PTPRM: variants seen among roughly 807,000 people sequenced by gnomAD.
The protein encoded by PTPRM is receptor-type tyrosine-protein phosphatase mu.
A neutral mutation model predicts 186.7 loss-of-function variants in PTPRM; 47 were observed. The ratio of observed to expected loss-of-function variants is 0.25; its 90% CI spans 0.20 to 0.32. The LOEUF is 0.32. PTPRM is among the 10% of genes least tolerant of loss of function. The pLI is 1.00. For synonymous variants in PTPRM, 668 were observed against 674.9 expected (o/e 0.99, Z 0.16); for missense variants, 1,494 against 1,865.0 (o/e 0.80, Z 3.66).
chr18:7,599,871 T>C (rs142884081), intron 1 of PTPRM, among the ~76,000 whole-genome samples: 1 of 152,278 alleles, frequency 6.6e-6, no homozygotes, highest in Non-Finnish European at 1.5e-5. Context: ...CCTTCACCTT[T>C]CACCCTAGTT....
intron 13 of PTPRM, among the ~76,000 whole-genome samples, chr18:8,121,413 T>A (rs2092167359): frequency 6.6e-6 from 1 of 152,188 alleles, no homozygotes; most frequent in African/African-American, 2.4e-5. Context: ...TCCAGCTGTA[T>A]CATGTTAGAA....
intron 4 of PTPRM, among the ~76,000 whole-genome samples, chr18:7,925,211 G>A (rs1384892994): frequency 6.6e-6 from 1 of 152,060 alleles, no homozygotes; most frequent in East Asian, 1.9e-4. Flanking sequence ...TTGAGCAAGG[G>A]GTAATTTGAT....
intron 1 of PTPRM, among the ~76,000 whole-genome samples, chr18:7,749,880 G>T (rs773346744): frequency 1.4e-4 from 22 of 152,188 alleles, no homozygotes; most frequent in African/African-American, 5.1e-4. Context: ...ACCTGTCTTC[G>T]CTTTGACAAG....
chr18:8,103,411 C>T (rs2091379860), intron 11 of PTPRM, among the ~76,000 whole-genome samples: 1 of 152,246 alleles, frequency 6.6e-6, no homozygotes, highest in Non-Finnish European at 1.5e-5. Context: ...GCTACAGCTT[C>T]TACATCAGCA....
chr18:8,001,846 ACTGAACACAT>A, intron 7 of PTPRM, among the ~76,000 whole-genome samples: 1 of 152,336 alleles, frequency 6.6e-6, no homozygotes, highest in South Asian at 2.1e-4. Context: ...GAATGGTCTT[ACTGAACACAT>A]CATATTCTAC....
At chr18:8,216,038 A>T (rs1314126420) in intron 14 of PTPRM, among the ~76,000 whole-genome samples, 1 of 152,188 alleles carries the variant, frequency 6.6e-6, no homozygotes, top group Non-Finnish European at 1.5e-5. Context: ...CTCTCACAGG[A>T]GAGTGCAGTT....
chr18:7,669,731 A>T (rs12604838), intron 1 of PTPRM, among the ~76,000 whole-genome samples: 2 of 151,452 alleles, frequency 1.3e-5, no homozygotes, highest in Non-Finnish European at 2.9e-5. Flanking sequence ...CTTTTACTTT[A>T]TTTTTTTTGA....
At chr18:8,278,303 G>A (rs1459378687) in intron 19 of PTPRM, among the ~76,000 whole-genome samples, 1 of 152,200 alleles carries the variant, frequency 6.6e-6, no homozygotes, top group Non-Finnish European at 1.5e-5. Flanking sequence ...TTTTACAACA[G>A]CTAATTTAAC....
At chr18:7,923,349 T>C (rs2146761127) in intron 4 of PTPRM, among the ~76,000 whole-genome samples, 1 of 152,248 alleles carries the variant, frequency 6.6e-6, no homozygotes, top group African/African-American at 2.4e-5. Flanking sequence ...CCAGATAACT[T>C]CAGCCTTTAA....
At chr18:7,592,390 A>G (rs1253954499) in intron 1 of PTPRM, among the ~76,000 whole-genome samples, 1 of 152,214 alleles carries the variant, frequency 6.6e-6, no homozygotes, top group African/African-American at 2.4e-5. Flanking sequence ...AACTCATCAT[A>G]TATTCCACTC....
intron 19 of PTPRM, among the ~76,000 whole-genome samples, chr18:8,283,539 A>G (rs1395346344): frequency 6.6e-6 from 1 of 152,186 alleles, no homozygotes; most frequent in Non-Finnish European, 1.5e-5. Context: ...CATCTATGAG[A>G]CATTTTGGGT....
chr18:8,394,669 C>G, intron 32 of PTPRM, 58 bp downstream of exon 32: 1 of 1,463,390 alleles, frequency 6.8e-7, no homozygotes. Flanking sequence ...AGAATCCACT[C>G]CAGCTCCCAG....
intron 2 of PTPRM, among the ~76,000 whole-genome samples, chr18:7,811,471 T>C (rs1340458263): frequency 6.6e-6 from 1 of 152,200 alleles, no homozygotes; most frequent in African/African-American, 2.4e-5. Flanking sequence ...GGTCCTCCCA[T>C]CTCAGCCTCT....
chr18:8,118,233 C>T (rs996102502), intron 13 of PTPRM, among the ~76,000 whole-genome samples: 2 of 152,064 alleles, frequency 1.3e-5, no homozygotes, highest in Non-Finnish European at 2.9e-5. Context: ...ATGTTAGCAC[C>T]GCATGTTTGT....
At chr18:8,045,116 G>A (rs925065159) in intron 7 of PTPRM, among the ~76,000 whole-genome samples, 11 of 152,184 alleles carry the variant, frequency 7.2e-5, no homozygotes, top group African/African-American at 2.4e-4. Context: ...GGAGGCCAAG[G>A]CAGGCTGATT....
In PTPRM at chr18:7,699,012, C is replaced by T. The variant is rs2039901989; in HGVS notation, c.74-75137C>T. ...GCCTGTAAGGAACCAGGCTGCACAT[C>T]AGGACGTGAGTGGCAGGCCAGGGAG... On this transcript the variant is annotated intron_variant, in intron 1 of 32. Transcript: ENST00000580170. Among the ~76,000 whole-genome samples the T allele has an allele frequency of 1.3e-5, 2 of 152,198 alleles. 1 individual carries two copies. Among genetic ancestry groups the T allele is most frequent in the South Asian group, 4.1e-4 (2 of 4,828 alleles).
intron 21 of PTPRM, among the ~76,000 whole-genome samples, chr18:8,316,678 T>C (rs1022597226): frequency 6.6e-6 from 1 of 151,932 alleles, no homozygotes; most frequent in Admixed American, 6.6e-5. Flanking sequence ...TTAGGAGAAA[T>C]GGGCAATAAA....
intron 23 of PTPRM, among the ~76,000 whole-genome samples, chr18:8,346,627 T>C (rs1314781231): frequency 6.6e-6 from 1 of 152,110 alleles, no homozygotes; most frequent in Non-Finnish European, 1.5e-5. Flanking sequence ...CTCGTAAAGA[T>C]TCAGTGAGTT....
intron 4 of PTPRM, among the ~76,000 whole-genome samples, chr18:7,922,876 G>A (rs1299242334): frequency 6.6e-6 from 1 of 152,072 alleles, no homozygotes; most frequent in African/African-American, 2.4e-5. Context: ...TTCAATAATG[G>A]GGGATGTTTC....
Sources: gnomAD v4.1 joint callset for allele counts (sites outside exome capture counted in the v4.1 genomes callset) on GRCh38, gnomAD v4.1.1 for gene constraint, MANE v1.5 for transcripts, NCBI Gene and HGNC (gene_info 2026-07-23, HGNC 2026-07-21) for gene names.